Variants in DMD observed in about 807,000 individuals in gnomAD.
DMD encodes the protein dystrophin, also known as mutant dystrophin.
Under a neutral mutation model 330.1 loss-of-function variants are expected in DMD, and 63 were observed. The observed-to-expected ratio is 0.19, with a 90% CI of 0.16 to 0.24. DMD has a LOEUF of 0.24. Ranked by LOEUF, DMD falls within the 10% of genes least tolerant of loss-of-function variation. The pLI is 1.00. For synonymous variants in DMD, 1,223 were observed against 959.8 expected, an observed-to-expected ratio of 1.27 and a Z score of -5.07; for missense variants, 3,344 against 2,684.1, an observed-to-expected ratio of 1.25 and a Z score of -5.43.
chrX:33,124,975 A>T (rs1385943198), intron 1 of DMD, among the ~76,000 whole-genome samples: 1 of 103,305 alleles, frequency 9.7e-6, no homozygotes, highest in Non-Finnish European at 2.0e-5. Context: ...GGTGAGCCTA[A>T]ATCTCGCCAT....
intron 74 of DMD, among the ~76,000 whole-genome samples, chrX:31,149,410 A>G (rs979359736): frequency 4.5e-5 from 5 of 112,008 alleles, no homozygotes; most frequent in African/African-American, 1.6e-4. Flanking sequence ...TTTCCTCAAA[A>G]TTGTCTTGAC....
chrX:32,049,806 A>C (rs778574755), intron 44 of DMD, among the ~76,000 whole-genome samples: 1 of 111,838 alleles, frequency 8.9e-6, no homozygotes, highest in South Asian at 3.7e-4. Context: ...GAGGTTCTGC[A>C]CTTGAAGGGC....
At position 32,408,055 on chromosome X, in the gene DMD, A is replaced by G. The variant is rs763277898; in HGVS notation, c.4233+3697T>C. ...GAGTTAATGGGTGTAGCACACCAAC[A>G]TGGCACATGTATACATATGCAACTA... On this transcript the variant is annotated intron_variant, in intron 30 of 78. Transcript: ENST00000357033. 1.7e-3 allele frequency among the ~76,000 whole-genome samples: 190 copies of G among 109,725 alleles called. 1 individual carries two copies. The highest frequency in any genetic ancestry group is 2.5e-3 in the Non-Finnish European group (130 of 52,577).
At chrX:31,337,676 T>A (rs1457179372) in intron 61 of DMD, among the ~76,000 whole-genome samples, 1 of 111,874 alleles carries the variant, frequency 8.9e-6, no homozygotes, top group African/African-American at 3.3e-5. Context: ...AGTGTAAAAA[T>A]ACACCCTTCA....
intron 2 of DMD, among the ~76,000 whole-genome samples, chrX:32,890,351 T>G (rs1256689001): frequency 9.4e-6 from 1 of 106,334 alleles, no homozygotes; most frequent in South Asian, 4.2e-4. Flanking sequence ...AAATTAACCT[T>G]AGACCTAGAT....
At chrX:31,723,899 AC>A (rs1432272577) in intron 52 of DMD, among the ~76,000 whole-genome samples, 1 of 111,754 alleles carries the variant, frequency 8.9e-6, no homozygotes. Flanking sequence ...CTACTGAAGC[AC>A]CTATCCTAAA....
chrX:32,895,682 T>C (rs2085644445), intron 2 of DMD, among the ~76,000 whole-genome samples: 1 of 111,748 alleles, frequency 8.9e-6, no homozygotes, highest in Non-Finnish European at 1.9e-5. Context: ...ACAAGAAACC[T>C]TGAGGCTTCC....
chrX:33,045,009 G>A (rs1207083342), intron 1 of DMD, among the ~76,000 whole-genome samples: 1 of 111,089 alleles, frequency 9.0e-6, no homozygotes, highest in Non-Finnish European at 1.9e-5. Flanking sequence ...GTTAGTAAAA[G>A]GCTGTTCAGT....
At chrX:31,750,959 A>G (rs948089352) in intron 51 of DMD, among the ~76,000 whole-genome samples, 4 of 108,214 alleles carry the variant, frequency 3.7e-5, no homozygotes. Context: ...GGACCTCTTC[A>G]AGGAGAACTA....
chrX:31,961,740 G>GTTTTTTTTTTTGTTTTTTTTTTTTTT (rs775099231), intron 45 of DMD, among the ~76,000 whole-genome samples: 1 of 75,640 alleles, frequency 1.3e-5, no homozygotes, highest in African/African-American at 5.3e-5. Flanking sequence ...AAAGGAAGCG[G>GTTTTTTTTTTTGTTTTTTTTTTTTTT]TTTTTTTTTT....
chrX:31,211,718 G>A (rs1342804142), intron 64 of DMD, among the ~76,000 whole-genome samples: 1 of 112,103 alleles, frequency 8.9e-6, no homozygotes, highest in Non-Finnish European at 1.9e-5. Context: ...GGGGAGCAAA[G>A]CAATTGCTCT....
chrX:31,424,130 C>T lies in DMD; in HGVS notation c.9084+20351G>A, dbSNP rs914235142. On this transcript the variant is annotated intron_variant, in intron 60 of 78. Coordinates refer to ENST00000357033, the MANE Select transcript of DMD (RefSeq NM_004006.3). ...TCTAAAACATTTTCTGCTCTTTTCC[C>T]GGCAGTGAACCCAGAAGAAAAAACA... 1.5e-4 allele frequency among the ~76,000 whole-genome samples: 17 copies of T among 110,972 alleles called. No homozygotes were observed. In the East Asian group the frequency reaches 2.8e-3, roughly 18 times the overall value.
At chrX:32,935,971 G>A (rs1374904008) in intron 2 of DMD, among the ~76,000 whole-genome samples, 2 of 111,475 alleles carry the variant, frequency 1.8e-5, no homozygotes, top group Non-Finnish European at 1.9e-5. Flanking sequence ...AATATTAGAC[G>A]AGCAAAAGGA....
chrX:31,128,904 G>A (rs1031151423), intron 77 of DMD, among the ~76,000 whole-genome samples: 1 of 112,045 alleles, frequency 8.9e-6, no homozygotes, highest in Admixed American at 9.5e-5. Flanking sequence ...ACAAAACAGA[G>A]GCTACTTGAT....
At chrX:31,357,271 A>G (rs1191001503) in intron 60 of DMD, among the ~76,000 whole-genome samples, 1 of 110,629 alleles carries the variant, frequency 9.0e-6, no homozygotes, top group Non-Finnish European at 1.9e-5. Flanking sequence ...TCACATGGTA[A>G]TTACATAATT....
intron 38 of DMD, among the ~76,000 whole-genome samples, chrX:32,346,673 C>G (rs1186419811): frequency 9.0e-6 from 1 of 111,401 alleles, no homozygotes; most frequent in African/African-American, 3.2e-5. Context: ...CAAATAATTT[C>G]TAAAATATGT....
intron 44 of DMD, among the ~76,000 whole-genome samples, chrX:32,074,431 A>G (rs186911119): frequency 8.9e-6 from 1 of 112,477 alleles, no homozygotes; most frequent in East Asian, 2.8e-4. Flanking sequence ...ATAAAGTCAG[A>G]AACTATAGCC....
At chrX:32,905,276 G>A (rs1484106951) in intron 2 of DMD, among the ~76,000 whole-genome samples, 2 of 111,655 alleles carry the variant, frequency 1.8e-5, no homozygotes, top group Admixed American at 1.9e-4. Context: ...CTAACTTGGT[G>A]AGAACTTAAT....
chrX:32,620,863 T>A (rs1262290620), intron 11 of DMD, among the ~76,000 whole-genome samples: 1 of 112,036 alleles, frequency 8.9e-6, no homozygotes, highest in Non-Finnish European at 1.9e-5. Flanking sequence ...AGGATACAAA[T>A]TGACCTGCAG....
Sources: allele counts gnomAD v4.1 joint callset (sites outside exome capture counted in the v4.1 genomes callset), GRCh38; gene constraint gnomAD v4.1.1; transcripts MANE v1.5; gene names NCBI Gene and HGNC (gene_info 2026-07-23, HGNC 2026-07-21).